The following CNTN3 variants were observed in gnomAD, a reference collection of about 807,000 sequenced individuals.
CNTN3 encodes contactin 3.
In CNTN3, 60 loss-of-function variants were observed where a neutral mutation model predicts 119.1. That is an observed-to-expected ratio of 0.50 (90% CI 0.41 to 0.62). The LOEUF (loss-of-function observed/expected upper bound fraction) is 0.62. Ranked by LOEUF, CNTN3 falls within the 20% of genes least tolerant of loss-of-function variation. The pLI is 0.00. For synonymous variants in CNTN3, 450 were observed against 438.7 expected, an observed-to-expected ratio of 1.03 and a Z score of -0.32; for missense variants, 1,101 against 1,242.4, an observed-to-expected ratio of 0.89 and a Z score of 1.71.
At position 74,614,441 on chromosome 3, in the gene CNTN3, GCCGCCGCCGCCGCCGCCGCCGCCA is replaced by G. The variant is rs1445810955; in HGVS notation, c.-155_-132del. 2.9e-4 allele frequency among the ~76,000 whole-genome samples: 39 copies of G among 136,834 alleles called. 1 individual carries two copies. The highest frequency in any genetic ancestry group is 5.4e-4 in the Non-Finnish European group (35 of 64,936). 89.8% of individuals were successfully genotyped at this position (136,834 alleles called of 152,430 possible). ...CCGCCCCGACGGCCCACTCGCCGCCGCCGCCGCCGCCGCCGCCGCCGCCACCGCCGCCGCCGCAGTTAGTCCGGG... is the reference window on the plus strand; with the variant it reads ...CCGCCCCGACGGCCCACTCGCCGCCGCCGCCGCCGCCGCAGTTAGTCCGGG... On this transcript the variant is annotated 5_prime_UTR_variant, in exon 1 of 23. Transcript: ENST00000263665.
chr3:74,360,882 G>T lies in CNTN3; in HGVS notation c.1364+1008C>A, dbSNP rs558641505. Among the ~76,000 whole-genome samples the T allele has an allele frequency of 1.8e-4, 27 of 151,980 alleles. No individual in the cohort carries two copies. The South Asian group carries it at 5.6e-3, about 32-fold the overall frequency. ...CTGCCTCCCTCTTCCTCTCTTAAGG[G>T]CTCAGATGATTACTTTGGGCCCACC... is the stretch of plus-strand genomic sequence containing the variant. On this transcript the variant is annotated intron_variant, in intron 11 of 22. Coordinates refer to ENST00000263665, the MANE Select transcript of CNTN3 (RefSeq NM_020872.3).
intron 2 of CNTN3, among the ~76,000 whole-genome samples, chr3:74,508,753 T>C (rs1180880454): frequency 1.3e-5 from 2 of 152,186 alleles, no homozygotes; most frequent in Non-Finnish European, 2.9e-5. Flanking sequence ...GTTCATATCA[T>C]CACAACATCA....
In CNTN3 at chr3:74,575,368, C is replaced by T. The variant is rs140443143; in HGVS notation, c.-81+39023G>A. 4.6e-5 allele frequency among the ~76,000 whole-genome samples: 7 copies of T among 152,136 alleles called. No individual in the cohort carries two copies. In the East Asian group the frequency reaches 1.4e-3, roughly 30 times the overall value. ...CCAGGTTCAAGCGATTCTCCTGCCT[C>T]AGCCTCCTGAGTAGCTGGGATTACA... On this transcript the variant is annotated intron_variant, in intron 1 of 22. Transcript: ENST00000263665.
In CNTN3 at chr3:74,565,331, C is replaced by T. The variant is rs189075095; in HGVS notation, c.-80-44139G>A. Among the ~76,000 whole-genome samples the T allele has an allele frequency of 4.8e-4, 73 of 152,170 alleles. 2 individuals carry two copies. The East Asian group carries it at 0.012, about 25-fold the overall frequency. On this transcript the variant is annotated intron_variant, in intron 1 of 22. Coordinates refer to ENST00000263665, the MANE Select transcript of CNTN3 (RefSeq NM_020872.3). ...CTGACCACAGTCCTTGCCTTGTGGC[C>T]CCTTCCTCCATTCTCAAAGCACATC...
chr3:74,445,607 T>C (rs1163392961), intron 4 of CNTN3, among the ~76,000 whole-genome samples: 5 of 152,192 alleles, frequency 3.3e-5, no homozygotes, highest in Admixed American at 3.3e-4. Flanking sequence ...TATTTAACTA[T>C]GACAGTAAGC....
At chr3:74,590,097 T>G (rs1037006873) in intron 1 of CNTN3, among the ~76,000 whole-genome samples, 1 of 151,620 alleles carries the variant, frequency 6.6e-6, no homozygotes, top group Middle Eastern at 3.2e-3. Flanking sequence ...ACCCTAAAAC[T>G]TAAAGTATAA....
At chr3:74,294,322 G>C (rs761967663) in intron 19 of CNTN3, among the ~76,000 whole-genome samples, 1 of 152,128 alleles carries the variant, frequency 6.6e-6, no homozygotes, top group African/African-American at 2.4e-5. Context: ...CTAAATAGGG[G>C]ACCCAGTTCA....
rs541460027 is a variant in CNTN3 at position 74,294,448 on chromosome 3, A to G, written c.2517+673T>C. Among the ~76,000 whole-genome samples, 6 of 152,046 alleles carry G rather than the reference A, an allele frequency of 3.9e-5. No homozygotes were observed. The South Asian group carries it at 1.0e-3, about 26-fold the overall frequency. On this transcript the variant is annotated intron_variant, in intron 19 of 22. Transcript: ENST00000263665. ...TGGGCCTCTACTCCTCTGCTTTTCT[A>G]TCATGCCTTGCCTAATCCAGAATGT...
At chr3:74,394,605 G>A (rs1239781300) in intron 5 of CNTN3, among the ~76,000 whole-genome samples, 1 of 152,102 alleles carries the variant, frequency 6.6e-6, no homozygotes, top group East Asian at 1.9e-4. Flanking sequence ...ACTAAGAGAA[G>A]TGTATTTGTT....
intron 5 of CNTN3, among the ~76,000 whole-genome samples, chr3:74,422,095 A>G (rs1487865704): frequency 6.6e-6 from 1 of 152,228 alleles, no homozygotes; most frequent in Non-Finnish European, 1.5e-5. Context: ...TGTTTGTTAC[A>G]AACCAGCCTT....
chr3:74,369,773 C>A (rs1704291397), intron 7 of CNTN3, 116 bp downstream of exon 7: 3 of 596,176 alleles, frequency 5.0e-6, no homozygotes, highest in East Asian at 3.3e-5. Flanking sequence ...TTTTCCTTTG[C>A]CTCAAAATGA....
At chr3:74,511,698 C>T (rs1424369688) in intron 2 of CNTN3, among the ~76,000 whole-genome samples, 2 of 151,834 alleles carry the variant, frequency 1.3e-5, no homozygotes, top group East Asian at 1.9e-4. Context: ...CATTTCATAA[C>T]GTGAAAATTA....
intron 1 of CNTN3, among the ~76,000 whole-genome samples, chr3:74,570,683 T>C (rs1704299548): frequency 6.6e-6 from 1 of 152,162 alleles, no homozygotes; most frequent in African/African-American, 2.4e-5. Flanking sequence ...ATTAACTCTT[T>C]GGCTCTTTAA....
intron 5 of CNTN3, among the ~76,000 whole-genome samples, chr3:74,376,902 CA>C (rs1179135435): frequency 1.3e-4 from 16 of 124,610 alleles, no homozygotes; most frequent in Non-Finnish European, 2.4e-4. Flanking sequence ...CTAGAATTTT[CA>C]AAAAAACAAA....
chr3:74,483,739 C>T (rs1287538353), intron 4 of CNTN3, among the ~76,000 whole-genome samples: 1 of 151,970 alleles, frequency 6.6e-6, no homozygotes, highest in African/African-American at 2.4e-5. Context: ...TAATAAAGTC[C>T]TTAGTCACTG....
rs545783519 is a variant in CNTN3, at chr3:74,507,611, T to C, written c.56-7826A>G. Among the ~76,000 whole-genome samples the C allele has an allele frequency of 5.0e-5, 7 of 140,272 alleles. No individual in the cohort carries two copies. The South Asian group carries it at 9.5e-4, about 19-fold the overall frequency. The allele number at this position is 140,272 out of a possible 152,430, so 92.0% of individuals were successfully genotyped here. A position where few individuals can be genotyped will look rare whatever the true frequency, so the allele number is the denominator to read the frequency against. Reference sequence around the variant, plus strand: ...CTTCTCCCTCCCTGTTTCTTTTTCTTTTCTTTCTTTCTTTCTTTTTTTTTT... The same window carrying C: ...CTTCTCCCTCCCTGTTTCTTTTTCTCTTCTTTCTTTCTTTCTTTTTTTTTT... On this transcript the variant is annotated intron_variant, in intron 2 of 22. Coordinates refer to ENST00000263665, the MANE Select transcript of CNTN3 (RefSeq NM_020872.3).
At chr3:74,561,511 G>C (rs1704153455) in intron 1 of CNTN3, among the ~76,000 whole-genome samples, 1 of 152,068 alleles carries the variant, frequency 6.6e-6, no homozygotes, top group Non-Finnish European at 1.5e-5. Context: ...ACTTGTTGAA[G>C]TCTATCTACA....
intron 4 of CNTN3, among the ~76,000 whole-genome samples, chr3:74,446,682 T>TA (rs1702053357): frequency 3.4e-5 from 1 of 29,386 alleles, no homozygotes; most frequent in African/African-American, 9.8e-5. Context: ...TAATTTTACT[T>TA]GTTTTTTTTT....
chr3:74,265,654 T>C (rs1418459076), intron 22 of CNTN3, among the ~76,000 whole-genome samples: 2 of 152,092 alleles, frequency 1.3e-5, no homozygotes, highest in African/African-American at 4.8e-5. Flanking sequence ...TTTCTCTAAG[T>C]TTTCTATTTC....
Sources: allele counts gnomAD v4.1 joint callset (sites outside exome capture counted in the v4.1 genomes callset), GRCh38; gene constraint gnomAD v4.1.1; transcripts MANE v1.5; gene names NCBI Gene and HGNC (gene_info 2026-07-23, HGNC 2026-07-21).